The following TTC7A variants were observed in gnomAD, a reference collection of about 807,000 sequenced individuals.
TTC7A encodes tetratricopeptide repeat domain 7A, also known as tetratricopeptide repeat protein 7A.
TTC7A carries 110 observed loss-of-function variants against 103.7 expected under a neutral mutation model. The ratio of observed to expected loss-of-function variants is 1.06; its 90% CI spans 0.91 to 1.24. The LOEUF is 1.24. Among genes scored for constraint, TTC7A ranks in the 50% most tolerant of loss-of-function variants. The probability of loss-of-function intolerance (pLI) is 0.00; values close to 1 mark genes in which losing one functional copy is unlikely to be tolerated. For synonymous variants in TTC7A, 521 were observed against 467.9 expected (o/e 1.11, Z -1.47); for missense variants, 1,340 against 1,116.3 (o/e 1.20, Z -2.86).
chr2:46,963,195 G>A (rs1451075838), intron 3 of TTC7A, among the ~76,000 whole-genome samples: 2 of 152,232 alleles, frequency 1.3e-5, no homozygotes, highest in Non-Finnish European at 2.9e-5. Context: ...TGTCTCCTCT[G>A]GCACTGCCTT....
chr2:47,027,053 C>A (rs1679997638), intron 14 of TTC7A, among the ~76,000 whole-genome samples: 1 of 152,216 alleles, frequency 6.6e-6, no homozygotes, highest in Non-Finnish European at 1.5e-5. Flanking sequence ...CAGGGCCAGG[C>A]CTTCCTGGCC....
intron 5 of TTC7A, among the ~76,000 whole-genome samples, chr2:46,993,122 C>T (rs1327359572): frequency 6.6e-6 from 1 of 152,222 alleles, no homozygotes; most frequent in African/African-American, 2.4e-5. Flanking sequence ...GTCAGAAAGT[C>T]TGACACCAGC....
At chr2:46,972,093 T>TC (rs1673413925) in intron 3 of TTC7A, among the ~76,000 whole-genome samples, 1 of 152,138 alleles carries the variant, frequency 6.6e-6, no homozygotes, top group Admixed American at 6.5e-5. Flanking sequence ...ATCTAGGTAC[T>TC]CCGTCTCTTT....
chr2:46,976,669 G>A (rs1673910763), intron 4 of TTC7A, among the ~76,000 whole-genome samples: 1 of 152,200 alleles, frequency 6.6e-6, no homozygotes, highest in Non-Finnish European at 1.5e-5. Flanking sequence ...TTTGTTGTTG[G>A]TGAGGGCGGG....
At chr2:47,030,990 T>A (rs978688103) in intron 15 of TTC7A, among the ~76,000 whole-genome samples, 1 of 152,128 alleles carries the variant, frequency 6.6e-6, no homozygotes, top group African/African-American at 2.4e-5. Flanking sequence ...CTAATAAAGA[T>A]ACAAAAATTA....
chr2:47,029,955 C>G (rs1369720109), intron 15 of TTC7A, among the ~76,000 whole-genome samples: 1 of 152,204 alleles, frequency 6.6e-6, no homozygotes, highest in African/African-American at 2.4e-5. Flanking sequence ...TGCTGCCACC[C>G]AGCCAGGACA....
At chr2:47,040,788 T>A (rs1418508986) in intron 15 of TTC7A, among the ~76,000 whole-genome samples, 1 of 152,234 alleles carries the variant, frequency 6.6e-6, no homozygotes, top group South Asian at 2.1e-4. Flanking sequence ...CAGGTGACTT[T>A]ACTCCTGTTG....
At chr2:46,950,652 T>C (rs1242809498) in intron 2 of TTC7A, 126 bp downstream of exon 2, 1 of 1,016,836 alleles carries the variant, frequency 9.8e-7, no homozygotes, top group Non-Finnish European at 1.4e-6. Context: ...GCCCTTGCAC[T>C]TACAGTAGCC....
chr2:46,965,953 A>G (rs6734201), intron 3 of TTC7A, among the ~76,000 whole-genome samples: 83,683 of 151,128 alleles, frequency 0.55, 24,136 homozygotes, highest in East Asian at 0.66. Context: ...CTAAGTGCAT[A>G]CTTTTTTTTT....
chr2:47,074,004 G>C lies in TTC7A; in HGVS notation c.*81G>C. On this transcript the variant is annotated 3_prime_UTR_variant, in exon 20 of 20. Coordinates refer to ENST00000319190, the MANE Select transcript of TTC7A (RefSeq NM_020458.4). ...CGTGGGTCAGGGTGGGGCAACAGTG[G>C]CATCAGGTGCGGGGCCTCAGGGAAA... 8.9e-7 allele frequency: 1 copy of C among 1,122,242 alleles called. No individual in the cohort carries two copies. Among genetic ancestry groups the C allele is most frequent in the Non-Finnish European group, 1.3e-6 (1 of 777,718 alleles). The allele number at this position is 1,122,242 out of a possible 1,614,324, so 69.5% of individuals were successfully genotyped here.
chr2:46,975,604 G>A (rs1374159103), intron 4 of TTC7A, among the ~76,000 whole-genome samples: 1 of 152,028 alleles, frequency 6.6e-6, no homozygotes, highest in Non-Finnish European at 1.5e-5. Context: ...TGGGTTAACT[G>A]TCTGCAGGGT....
chr2:46,944,180 G>A (rs755406073), intron 1 of TTC7A, among the ~76,000 whole-genome samples: 3 of 152,080 alleles, frequency 2.0e-5, no homozygotes, highest in Non-Finnish European at 4.4e-5. Flanking sequence ...GCCCATCCAA[G>A]TGATTAAAAA....
intron 11 of TTC7A, among the ~76,000 whole-genome samples, chr2:47,013,310 G>A (rs1469573526): frequency 6.6e-6 from 1 of 152,172 alleles, no homozygotes; most frequent in Non-Finnish European, 1.5e-5. Context: ...GGCACCCAGA[G>A]GTAGGGCGAC....
chr2:47,033,980 C>A (rs918558488), intron 15 of TTC7A, among the ~76,000 whole-genome samples: 4 of 152,236 alleles, frequency 2.6e-5, no homozygotes, highest in Admixed American at 6.5e-5. Flanking sequence ...CCGGAGAAAA[C>A]CCGGCTTTCG....
At chr2:47,038,246 G>A (rs1442129101) in intron 15 of TTC7A, among the ~76,000 whole-genome samples, 1 of 146,114 alleles carries the variant, frequency 6.8e-6, no homozygotes, top group Admixed American at 6.8e-5. Context: ...GCGTCAGAGC[G>A]AGACTCCATC....
rs547452078 is a variant in TTC7A, at chr2:47,052,318, C to A, written c.2152+438C>A. On this transcript the variant is annotated intron_variant, in intron 18 of 19. Transcript: ENST00000319190. ...TCTTGGTAACTAAGTGATACCATTG[C>A]CACCAGGCGTCTGAAGGCCAGCCAG... Among the ~76,000 whole-genome samples the A allele has an allele frequency of 1.6e-3, 251 of 152,300 alleles. 2 individuals are homozygous for A. Among genetic ancestry groups the A allele is most frequent in the Middle Eastern group, 0.01 (3 of 294 alleles).
intron 18 of TTC7A, among the ~76,000 whole-genome samples, chr2:47,057,114 G>C (rs572552089): frequency 1.3e-5 from 2 of 152,234 alleles, no homozygotes; most frequent in Non-Finnish European, 2.9e-5. Context: ...CTAGCAAAGC[G>C]TCGAGCAGGA....
intron 8 of TTC7A, among the ~76,000 whole-genome samples, chr2:47,000,136 CA>C (rs1408785979): frequency 2.0e-5 from 3 of 151,914 alleles, no homozygotes; most frequent in African/African-American, 7.3e-5. Context: ...TTTGGTTGTT[CA>C]ATATGTCCTG....
chr2:47,047,118 C>A, intron 16 of TTC7A: 2 of 615,498 alleles, frequency 3.2e-6, no homozygotes, highest in African/African-American at 1.9e-5. Flanking sequence ...TAGGCTTAGC[C>A]TATGTGGCCC....
Sources: gnomAD v4.1 joint callset for allele counts (sites outside exome capture counted in the v4.1 genomes callset) on GRCh38, gnomAD v4.1.1 for gene constraint, MANE v1.5 for transcripts, NCBI Gene and HGNC (gene_info 2026-07-23, HGNC 2026-07-21) for gene names.